Variants in C10orf88 observed in about 807,000 individuals in gnomAD.
C10orf88 encodes ATPase PAAT.
A neutral mutation model predicts 34.2 loss-of-function variants in C10orf88; 29 were observed. The observed-to-expected ratio is 0.85, with a 90% CI of 0.63 to 1.16. The LOEUF (loss-of-function observed/expected upper bound fraction) is 1.16, where lower values mean the gene tolerates loss of function less well. Among genes scored for constraint, C10orf88 ranks in the 50% most tolerant of loss-of-function variants. C10orf88 has a pLI of 0.00. For synonymous variants in C10orf88, 194 were observed against 197.4 expected (o/e 0.98, Z 0.15); for missense variants, 507 against 533.2 (o/e 0.95, Z 0.48).
rs1235036515 is a variant in C10orf88 at position 122,952,981 on chromosome 10, G to C, written c.216C>G (p.Pro72=). 6.2e-7 allele frequency: 1 copy of C among 1,614,054 alleles called. No homozygotes were observed. The highest frequency in any genetic ancestry group is 2.2e-5 in the East Asian group (1 of 44,894). ...KRNHNNKDEN[P]CFLYLRCGPD... ...GGCCACACCTCAGGTAAAGGAAGCAGGGGTTTTCATCTTTGTTGTTGTGGT... is the reference window on the plus strand; with the variant it reads ...GGCCACACCTCAGGTAAAGGAAGCACGGGTTTTCATCTTTGTTGTTGTGGT... The change falls in exon 2 of 6, where the codon CCC becomes CCG. Residue 72 remains proline (P), a synonymous_variant. Transcript: ENST00000481909.
intron 1 of C10orf88, 90 bp downstream of exon 1, chr10:122,953,925 G>A (rs1848720318): frequency 2.6e-6 from 3 of 1,175,836 alleles, no homozygotes; most frequent in Non-Finnish European, 3.2e-6. Flanking sequence ...CCGGATCCCG[G>A]GCTCAGACCC....
At chr10:122,952,360 C>G (rs61599977) in intron 2 of C10orf88, among the ~76,000 whole-genome samples, 3,240 of 152,108 alleles carry the variant, frequency 0.021, 108 homozygotes, top group African/African-American at 0.074. Flanking sequence ...GAAAAATCTT[C>G]GTAAGAAAAA....
At chr10:122,951,220 C>A (rs969926000) in intron 3 of C10orf88, among the ~76,000 whole-genome samples, 6 of 152,168 alleles carry the variant, frequency 3.9e-5, no homozygotes, top group Non-Finnish European at 8.8e-5. Flanking sequence ...CTTGAAACTT[C>A]TCTAATTTTG....
Position 122,945,042 on chromosome 10 carries a change from A to G in C10orf88, c.648+3607T>C, listed in dbSNP as rs111642974. On this transcript the variant is annotated intron_variant, in intron 4 of 5. Coordinates refer to ENST00000481909, the MANE Select transcript of C10orf88 (RefSeq NM_024942.4). ...TAGATATATGCGTGTATATATGTGT[A>G]TATATATATGTATATAGATATATGC... Among the ~76,000 whole-genome samples the G allele has an allele frequency of 7.2e-3, 1,076 of 150,202 alleles. 6 individuals carry two copies. Among genetic ancestry groups the G allele is most frequent in the African/African-American group, 0.018 (748 of 41,004 alleles).
intron 4 of C10orf88, among the ~76,000 whole-genome samples, chr10:122,948,080 T>A (rs1030366078): frequency 6.6e-6 from 1 of 152,204 alleles, no homozygotes; most frequent in Non-Finnish European, 1.5e-5. Flanking sequence ...CCAAGCTGTT[T>A]ATGATCTAGC....
intron 3 of C10orf88, among the ~76,000 whole-genome samples, chr10:122,949,956 C>T (rs878982838): frequency 6.6e-6 from 1 of 152,190 alleles, no homozygotes; most frequent in East Asian, 1.9e-4. Flanking sequence ...TTAAAGGACA[C>T]TCAATTAGTA....
intron 1 of C10orf88, among the ~76,000 whole-genome samples, chr10:122,953,791 T>A (rs575073210): frequency 6.6e-6 from 1 of 151,926 alleles, no homozygotes; most frequent in South Asian, 2.1e-4. Context: ...CGAGTCCGGG[T>A]CACCTTCCCC....
chr10:122,937,874 T>C lies in C10orf88; in HGVS notation c.934A>G (p.Met312Val), dbSNP rs1848548387. 3.1e-6 allele frequency: 5 copies of C among 1,613,266 alleles called. No homozygotes were observed. The highest frequency in any genetic ancestry group is 4.5e-5 in the East Asian group (2 of 44,874). ...ACTTTCTTTGGTAAGAAAGAGGCCA[T>C]TGCATTTTTAAGATCATTTTCAAGA... ...SFLENDLKNA[M>V]ASFLPKKVSD... Residue 312 changes from methionine (M) to valine (V), a missense_variant, in exon 5 of 6, where the codon ATG becomes GTG. By Grantham distance (21) the Met-to-Val change is conservative. Transcript: ENST00000481909.
chr10:122,953,514 T>C (rs572299704), intron 1 of C10orf88, among the ~76,000 whole-genome samples: 2 of 152,322 alleles, frequency 1.3e-5, no homozygotes, highest in South Asian at 2.1e-4. Context: ...CTCTATTTTT[T>C]CCTCAATCAA....
chr10:122,947,133 T>C (rs1848648093), intron 4 of C10orf88, among the ~76,000 whole-genome samples: 1 of 151,930 alleles, frequency 6.6e-6, no homozygotes, highest in Non-Finnish European at 1.5e-5. Flanking sequence ...CAGTTAGGAA[T>C]CTCCTGAGGT....
At chr10:122,940,527 A>G (rs1033565514) in intron 4 of C10orf88, among the ~76,000 whole-genome samples, 4 of 152,060 alleles carry the variant, frequency 2.6e-5, no homozygotes, top group African/African-American at 9.7e-5. Flanking sequence ...GTACATTTAA[A>G]AATTTGTTAA....
In C10orf88 at chr10:122,948,642, T is replaced by A. The variant is rs759269604; in HGVS notation, c.648+7A>T. The stretch of plus-strand genomic sequence containing the variant: ...TGTTATCTGGAAAGAAATCCATTTC[T>A]ACTTACCCGCTGCTGACACCTAACC... On this transcript the variant is annotated splice_region_variant and intron_variant, in intron 4 of 5. Transcript: ENST00000481909. 1.2e-5 allele frequency: 19 copies of A among 1,611,776 alleles called. No individual in the cohort carries two copies. Among genetic ancestry groups the A allele is most frequent in the Middle Eastern group, 1.6e-4 (1 of 6,074 alleles).
In C10orf88 at chr10:122,951,991, A is replaced by G; in HGVS notation, c.404T>C (p.Leu135Pro). The G allele has an allele frequency of 6.5e-7, 1 of 1,546,188 alleles. No individual in the cohort carries two copies. Among genetic ancestry groups the G allele is most frequent in the Non-Finnish European group, 8.9e-7 (1 of 1,127,826 alleles). Reference sequence around the variant, plus strand: ...AGCATGTGTGGAGGACTCCAATTTTAGATTTTTTTTATACAAAATGATCTT... The same window carrying G: ...AGCATGTGTGGAGGACTCCAATTTTGGATTTTTTTTATACAAAATGATCTT... ...HEKIILYKKN[L>P]KLESSTHACK... Residue 135 changes from leucine to proline, a missense_variant, in exon 3 of 6, where the codon CTA becomes CCA. By Grantham distance (98) the Leu-to-Pro change is moderately conservative. Coordinates refer to ENST00000481909, the MANE Select transcript of C10orf88 (RefSeq NM_024942.4).
chr10:122,953,295 T>C (rs1334247004), intron 1 of C10orf88, among the ~76,000 whole-genome samples: 1 of 152,164 alleles, frequency 6.6e-6, no homozygotes, highest in Admixed American at 6.5e-5. Context: ...GCCAGGATGG[T>C]CTTGATCTCC....
chr10:122,947,596 C>T lies in C10orf88; in HGVS notation c.648+1053G>A, dbSNP rs541093541. On this transcript the variant is annotated intron_variant, in intron 4 of 5. Transcript: ENST00000481909. Reference sequence around the variant, plus strand: ...TCCGTCAGCTACTGTGGGTACACCCCTAAACTTCCCTTCCAGCCACTGAAG... The same window carrying T: ...TCCGTCAGCTACTGTGGGTACACCCTTAAACTTCCCTTCCAGCCACTGAAG... Among the ~76,000 whole-genome samples, 102 of 152,282 alleles carry T rather than the reference C, an allele frequency of 6.7e-4. 1 individual carries two copies. Among genetic ancestry groups the T allele is most frequent in the Non-Finnish European group, 1.1e-3 (77 of 68,010 alleles).
At position 122,932,488 on chromosome 10, in the gene C10orf88, G is replaced by A; in HGVS notation, c.1277C>T (p.Pro426Leu). The stretch of plus-strand genomic sequence containing the variant: ...ATAATGTCTTAGAGGTATCCCAGTG[G>A]GCGGGGAGTTAGGATTTTGCAGCAA... ...LDLLQNPNSP[P>L]TGIPLRHYDS... Residue 426 changes from proline (P) to leucine (L), a missense_variant, in exon 6 of 6, where the codon CCC becomes CTC. Transcript: ENST00000481909. The A allele has an allele frequency of 6.2e-7, 1 of 1,613,930 alleles. No homozygotes were observed. Among genetic ancestry groups the A allele is most frequent in the Non-Finnish European group, 8.5e-7 (1 of 1,179,956 alleles).
chr10:122,946,654 A>G (rs984311165), intron 4 of C10orf88, among the ~76,000 whole-genome samples: 2 of 152,210 alleles, frequency 1.3e-5, no homozygotes, highest in African/African-American at 4.8e-5. Flanking sequence ...ACCAATACAA[A>G]AACAACAACA....
chr10:122,931,266 C>A lies in C10orf88; in HGVS notation c.*1161G>T, dbSNP rs1043974035. On this transcript the variant is annotated 3_prime_UTR_variant, in exon 6 of 6. Coordinates refer to ENST00000481909, the MANE Select transcript of C10orf88 (RefSeq NM_024942.4). The stretch of plus-strand genomic sequence containing the variant: ...GTCAGCTATCGTGGTTGTAACCAGT[C>A]TCCTCTGGACTGGTTACAAAAGGAA... 1 of 152,128 alleles carries A rather than the reference C, an allele frequency of 6.6e-6. No homozygotes were observed. Among genetic ancestry groups the A allele is most frequent in the Non-Finnish European group, 1.5e-5 (1 of 68,022 alleles). The allele number at this position is 152,128 out of a possible 1,614,324, so 9.4% of individuals were successfully genotyped here. A position where few individuals can be genotyped will look rare whatever the true frequency, so the allele number is the denominator to read the frequency against.
chr10:122,953,769 TA>T (rs11316142), intron 1 of C10orf88, among the ~76,000 whole-genome samples: 151,331 of 151,332 alleles, frequency 1, 75,665 homozygotes, highest in Middle Eastern at 1. Context: ...ATGGGGACGT[TA>T]TATGAAATTC....
Sources: gnomAD v4.1 joint callset for allele counts (sites outside exome capture counted in the v4.1 genomes callset) on GRCh38, gnomAD v4.1.1 for gene constraint, MANE v1.5 for transcripts, NCBI Gene and HGNC (gene_info 2026-07-23, HGNC 2026-07-21) for gene names.